GTSE1: variants seen among roughly 807,000 people sequenced by gnomAD.
GTSE1 encodes the protein G2 and S-phase expressed 1, also known as G2 and S phase-expressed protein 1.
Under a neutral mutation model 60.5 loss-of-function variants are expected in GTSE1, and 52 were observed. That is an observed-to-expected ratio of 0.86 (90% confidence interval 0.69 to 1.08). The LOEUF (loss-of-function observed/expected upper bound fraction) is 1.08. Among genes scored for constraint, GTSE1 ranks in the 50% least tolerant of loss-of-function variants. The pLI is 0.00. For synonymous variants in GTSE1, 368 were observed against 386.5 expected, an observed-to-expected ratio of 0.95 and a Z score of 0.56; for missense variants, 937 against 961.8, an observed-to-expected ratio of 0.97 and a Z score of 0.34.
chr22:46,322,073 CAAAA>C (rs769915567), intron 7 of GTSE1, among the ~76,000 whole-genome samples: 35 of 44,596 alleles, frequency 7.8e-4, no homozygotes, highest in African/African-American at 2.8e-3. Flanking sequence ...GACTCTGTCT[CAAAA>C]AAAAAAAAAA....
At chr22:46,298,874 T>G (rs1327280471) in intron 2 of GTSE1, among the ~76,000 whole-genome samples, 1 of 152,208 alleles carries the variant, frequency 6.6e-6, no homozygotes, top group Non-Finnish European at 1.5e-5. Flanking sequence ...ACAGATAATG[T>G]TCCCTTGTCT....
intron 2 of GTSE1, among the ~76,000 whole-genome samples, chr22:46,303,728 C>G (rs974478277): frequency 3.4e-4 from 51 of 152,130 alleles, no homozygotes; most frequent in African/African-American, 1.2e-3. Flanking sequence ...GTCTTCTGGG[C>G]ATGTAATAGA....
chr22:46,301,740 C>T (rs1415500853), intron 2 of GTSE1, among the ~76,000 whole-genome samples: 4 of 152,072 alleles, frequency 2.6e-5, no homozygotes, highest in South Asian at 4.1e-4. Context: ...CCACCCGCCT[C>T]GACCTTCCAA....
chr22:46,308,167 G>T lies in GTSE1; in HGVS notation c.97G>T (p.Asp33Tyr). ...PKKEDILLLA[D>Y]EKFDFDLSLS... The stretch of plus-strand genomic sequence containing the variant: ...CCCTCTAGACATTCTTCTTTTGGCC[G>T]ATGAAAAATTTGACTTCGATCTTTC... The change falls in exon 3 of 12, where the codon GAT becomes TAT. Residue 33 changes from aspartate to tyrosine, a missense_variant. Physicochemically the swap from Asp to Tyr is radical, Grantham distance 160 (BLOSUM62 -3). Transcript: ENST00000454366. 1.2e-6 allele frequency: 2 copies of T among 1,611,972 alleles called. No homozygotes were observed. Among genetic ancestry groups the T allele is most frequent in the Admixed American group, 1.7e-5 (1 of 59,994 alleles).
Position 46,329,082 on chromosome 22 carries a change from T to C in GTSE1, c.1926+193T>C. On this transcript the variant is annotated intron_variant, in intron 10 of 11. Transcript: ENST00000454366. This position sits in a 1 kb window ranked among gnomAD's most constrained non-coding sequence, Gnocchi z 6.4. ...GCCTCCAGGGGAGAAAGCCCTGCAT[T>C]TGACTAAGGCAAGGGTCAGGGATCA... 1.6e-6 allele frequency: 1 copy of C among 619,326 alleles called. No individual in the cohort carries two copies. The allele number at this position is 619,326 out of a possible 1,614,324, so 38.4% of individuals were successfully genotyped here. A position where few individuals can be genotyped will look rare whatever the true frequency, so the allele number is the denominator to read the frequency against.
Position 46,329,637 on chromosome 22 carries a change from C to T in GTSE1, c.2136+70C>T. ...CTCAGTTCTGGGATTGTTCATCCTCCCAGGGCCATCGTGGGACCCTTGAGA... is the reference window on the plus strand; with the variant it reads ...CTCAGTTCTGGGATTGTTCATCCTCTCAGGGCCATCGTGGGACCCTTGAGA... On this transcript the variant is annotated intron_variant, in intron 11 of 11. Coordinates refer to ENST00000454366, the MANE Select transcript of GTSE1 (RefSeq NM_016426.7). This position sits in a 1 kb window ranked among gnomAD's most constrained non-coding sequence, Gnocchi z 6.4. 8.0e-7 allele frequency: 1 copy of T among 1,249,606 alleles called. No individual in the cohort carries two copies. Among genetic ancestry groups the T allele is most frequent in the Non-Finnish European group, 1.2e-6 (1 of 853,286 alleles). 77.4% of individuals were successfully genotyped at this position (1,249,606 alleles called of 1,614,324 possible). A position where few individuals can be genotyped will look rare whatever the true frequency, so the allele number is the denominator to read the frequency against.
intron 4 of GTSE1, among the ~76,000 whole-genome samples, chr22:46,311,120 G>A (rs999697706): frequency 2.6e-5 from 4 of 151,538 alleles, no homozygotes; most frequent in Middle Eastern, 3.2e-3. Context: ...TCTTGTTGCC[G>A]AGGCAGGAGT....
rs1264299488 is a variant in GTSE1, at chr22:46,321,749, T to G, written c.1433-1441T>G. On this transcript the variant is annotated intron_variant, in intron 7 of 11. Transcript: ENST00000454366. The surrounding 1 kb of genome is among the most constrained non-coding windows in gnomAD (Gnocchi z 4.0). The stretch of plus-strand genomic sequence containing the variant: ...TTTTAACCTTCATTTTTAAAAACTG[T>G]GCATGAGTCACTTTGATAGAGGTGA... Among the ~76,000 whole-genome samples, 1 of 152,082 alleles carries G rather than the reference T, an allele frequency of 6.6e-6. No homozygotes were observed. Among genetic ancestry groups the G allele is most frequent in the Non-Finnish European group, 1.5e-5 (1 of 68,000 alleles).
At chr22:46,326,023 G>A (rs1301629042) in intron 8 of GTSE1, among the ~76,000 whole-genome samples, 3 of 152,268 alleles carry the variant, frequency 2.0e-5, no homozygotes, top group South Asian at 2.1e-4. Flanking sequence ...TCCCCCATTC[G>A]CTGGCCCACC....
chr22:46,323,137 A>C (rs1242278618), intron 7 of GTSE1, 53 bp from the exon 8 acceptor site: 2 of 1,140,566 alleles, frequency 1.8e-6, no homozygotes, highest in Non-Finnish European at 1.3e-6. Flanking sequence ...CCCCAACAGT[A>C]GGTCTCCCCC....
rs181333991 is a variant in GTSE1, at chr22:46,320,947, C to T, written c.1433-2243C>T. Among the ~76,000 whole-genome samples the T allele has an allele frequency of 2.9e-4, 44 of 151,988 alleles. 1 individual carries two copies. Among genetic ancestry groups the T allele is most frequent in the Middle Eastern group, 6.8e-3 (2 of 294 alleles). ...CCACCATGGAAGCTGCTGAAGAGTG[C>T]GCTCCACCCAGCTGAGGGAGAGGAC... On this transcript the variant is annotated intron_variant, in intron 7 of 11. Coordinates refer to ENST00000454366, the MANE Select transcript of GTSE1 (RefSeq NM_016426.7). This position sits in a 1 kb window ranked among gnomAD's most constrained non-coding sequence, Gnocchi z 7.1.
At position 46,308,790 on chromosome 22, in the gene GTSE1, G is replaced by A. The variant is rs11913324; in HGVS notation, c.609G>A (p.Pro203=). The change falls in exon 4 of 12, where the codon CCG becomes CCA. Residue 203 remains proline, a synonymous_variant. Transcript: ENST00000454366. Reference sequence around the variant, plus strand: ...CCCAGGCCCGCCTCACCCGGGCGCCGGGGCCTCCGCACTCTGCTCATGCTT... The same window carrying A: ...CCCAGGCCCGCCTCACCCGGGCGCCAGGGCCTCCGCACTCTGCTCATGCTT... The part of the protein sequence containing the change: ...SGAQARLTRA[P]GPPHSAHALP... The A allele has an allele frequency of 9.1e-4, 1,467 of 1,613,096 alleles. 12 individuals are homozygous for A. In the African/African-American group the frequency reaches 0.016, roughly 18 times the overall value.
intron 10 of GTSE1, 98 bp downstream of exon 10, chr22:46,328,987 T>C: frequency 1.0e-6 from 1 of 975,650 alleles, no homozygotes; most frequent in African/African-American, 1.6e-5. Flanking sequence ...CGGAGTTCCC[T>C]GCCATGCTTC....
At chr22:46,315,493 C>CG (rs2077773691) in intron 6 of GTSE1, among the ~76,000 whole-genome samples, 1 of 95,378 alleles carries the variant, frequency 1.0e-5, no homozygotes, top group Non-Finnish European at 2.0e-5. Context: ...CACTCCTGGG[C>CG]TAAAGTTTTT....
intron 5 of GTSE1, among the ~76,000 whole-genome samples, chr22:46,312,514 C>T (rs1479382921): frequency 1.3e-5 from 2 of 151,878 alleles, no homozygotes; most frequent in East Asian, 1.9e-4. Flanking sequence ...TGGTGAGCAA[C>T]GGCAGTCCCA....
At position 46,309,931 on chromosome 22, in the gene GTSE1, C is replaced by T. The variant is rs1000431603; in HGVS notation, c.762+988C>T. On this transcript the variant is annotated intron_variant, in intron 4 of 11. Coordinates refer to ENST00000454366, the MANE Select transcript of GTSE1 (RefSeq NM_016426.7). This position sits in a 1 kb window ranked among gnomAD's most constrained non-coding sequence, Gnocchi z 6.2. ...CGGGACAGGGATTGTGCATGTAGCA[C>T]GCGTGGACTCGGGGAGAGAGGTGGT... Among the ~76,000 whole-genome samples the T allele has an allele frequency of 2.6e-5, 4 of 152,178 alleles. No homozygotes were observed. The highest frequency in any genetic ancestry group is 1.9e-4 in the East Asian group (1 of 5,198).
intron 6 of GTSE1, among the ~76,000 whole-genome samples, chr22:46,315,641 C>T (rs981847720): frequency 5.3e-5 from 8 of 152,210 alleles, no homozygotes; most frequent in African/African-American, 1.7e-4. Flanking sequence ...AGGAATCAAC[C>T]AGTAACAATT....
Position 46,297,397 on chromosome 22 carries a change from C to G in GTSE1, c.-4C>G. On this transcript the variant is annotated 5_prime_UTR_variant, in exon 2 of 12. Coordinates refer to ENST00000454366, the MANE Select transcript of GTSE1 (RefSeq NM_016426.7). This position sits in a 1 kb window ranked among gnomAD's most constrained non-coding sequence, Gnocchi z 4.9. ...CCCTGCAGTGACTTCTGACAGCTCT[C>G]TCCATGGAAGGAGGCGGCGGCCGCG... The G allele has an allele frequency of 6.2e-7, 1 of 1,610,664 alleles. No individual in the cohort carries two copies. Among genetic ancestry groups the G allele is most frequent in the Non-Finnish European group, 8.5e-7 (1 of 1,176,884 alleles).
chr22:46,324,377 T>G lies in GTSE1; in HGVS notation c.1505+1115T>G, dbSNP rs889771977. On this transcript the variant is annotated intron_variant, in intron 8 of 11. Transcript: ENST00000454366. This position sits in a 1 kb window ranked among gnomAD's most constrained non-coding sequence, Gnocchi z 5.2. ...TTATTGGAATTTTTCTTTTCTTTTCTTTTTTTTTGAGACAGAGTCTCACTC... is the reference window on the plus strand; with the variant it reads ...TTATTGGAATTTTTCTTTTCTTTTCGTTTTTTTTGAGACAGAGTCTCACTC... 3.3e-5 allele frequency among the ~76,000 whole-genome samples: 5 copies of G among 151,306 alleles called. No homozygotes were observed. The highest frequency in any genetic ancestry group is 1.2e-4 in the African/African-American group (5 of 41,194).
Sources: gnomAD v4.1 joint callset for allele counts (sites outside exome capture counted in the v4.1 genomes callset) on GRCh38, gnomAD v4.1.1 for gene constraint, Gnocchi (gnomAD v3.1) non-coding constraint, MANE v1.5 for transcripts, NCBI Gene and HGNC (gene_info 2026-07-23, HGNC 2026-07-21) for gene names.